Variants in PCM1 observed in about 807,000 individuals in gnomAD.
PCM1 encodes the protein pericentriolar material 1 protein.
A neutral mutation model predicts 241.9 loss-of-function variants in PCM1; 157 were observed. The ratio of observed to expected loss-of-function variants is 0.65; its 90% CI spans 0.57 to 0.74. The LOEUF (loss-of-function observed/expected upper bound fraction) is 0.74. PCM1 is among the 30% of genes least tolerant of loss of function. The pLI, the probability that PCM1 is intolerant of heterozygous loss-of-function variation, is 0.00. For synonymous variants in PCM1, 1,085 were observed against 784.9 expected (o/e 1.38, Z -6.39); for missense variants, 3,478 against 2,360.1 (o/e 1.47, Z -9.81).
rs1294498496 is a variant in PCM1 at position 17,964,848 on chromosome 8, C to G, written c.2855+80C>G. 5 of 1,019,110 alleles carry G rather than the reference C, an allele frequency of 4.9e-6. No homozygotes were observed. In the East Asian group the frequency reaches 9.5e-5, roughly 19 times the overall value. The allele number at this position is 1,019,110 out of a possible 1,614,324, so 63.1% of individuals were successfully genotyped here. A position where few individuals can be genotyped will look rare whatever the true frequency, so the allele number is the denominator to read the frequency against. ...ACTGACAGCAAGCACTTCTGCAGTTCTCCAAGCCAACTGAATGTCCTACAA... is the reference window on the plus strand; with the variant it reads ...ACTGACAGCAAGCACTTCTGCAGTTGTCCAAGCCAACTGAATGTCCTACAA... On this transcript the variant is annotated intron_variant, in intron 18 of 38. Transcript: ENST00000325083.
At chr8:17,931,882 T>G (rs1030889252) in intron 2 of PCM1, among the ~76,000 whole-genome samples, 1 of 152,148 alleles carries the variant, frequency 6.6e-6, no homozygotes, top group Non-Finnish European at 1.5e-5. Context: ...TAAAATATAT[T>G]TCTAGTATAA....
intron 13 of PCM1, among the ~76,000 whole-genome samples, chr8:17,958,568 G>C (rs1035095001): frequency 6.6e-6 from 1 of 151,782 alleles, no homozygotes; most frequent in Admixed American, 6.6e-5. Flanking sequence ...ATTTATAAAG[G>C]TGTTGTGTAT....
chr8:17,955,310 A>G (rs768873107), intron 9 of PCM1, among the ~76,000 whole-genome samples, 160 bp from the exon 10 acceptor site: 5 of 152,162 alleles, frequency 3.3e-5, no homozygotes, highest in Non-Finnish European at 5.9e-5. Context: ...GATGTGTTTA[A>G]TTGTGGAGTA....
chr8:17,988,517 C>T (rs2083364105), intron 26 of PCM1, among the ~76,000 whole-genome samples: 1 of 151,724 alleles, frequency 6.6e-6, no homozygotes, highest in African/African-American at 2.4e-5. Context: ...ACAGAGAAAG[C>T]ACTAACTATA....
chr8:17,947,653 C>A (rs1397353930), intron 7 of PCM1, among the ~76,000 whole-genome samples: 1 of 152,206 alleles, frequency 6.6e-6, no homozygotes. Flanking sequence ...GTACCTCAGA[C>A]TGATAAGGCT....
chr8:17,996,232 C>CT (rs2086684165), intron 29 of PCM1, among the ~76,000 whole-genome samples: 1 of 151,924 alleles, frequency 6.6e-6, no homozygotes. Context: ...TTTTTGAGGG[C>CT]TTTTATCATG....
intron 26 of PCM1, among the ~76,000 whole-genome samples, chr8:17,989,277 T>G (rs1564202594): frequency 2.0e-5 from 3 of 151,826 alleles, no homozygotes; most frequent in Non-Finnish European, 4.4e-5. Flanking sequence ...TAGGGTGTGG[T>G]GGAGATTGAC....
At chr8:17,943,652 C>T (rs1320905395) in intron 6 of PCM1, among the ~76,000 whole-genome samples, 1 of 151,862 alleles carries the variant, frequency 6.6e-6, no homozygotes, top group Non-Finnish European at 1.5e-5. Context: ...TTCATTTTGA[C>T]TTTCTTGATT....
In PCM1 at chr8:17,972,331, A is replaced by G; in HGVS notation, c.3587A>G (p.Asn1196Ser). The G allele has an allele frequency of 1.3e-6, 2 of 1,490,346 alleles. No homozygotes were observed. Among genetic ancestry groups the G allele is most frequent in the Non-Finnish European group, 1.8e-6 (2 of 1,119,556 alleles). 92.3% of individuals were successfully genotyped at this position (1,490,346 alleles called of 1,614,324 possible). Residue 1196 changes from asparagine (N) to serine (S), a missense_variant and splice_region_variant, in exon 23 of 39, where the codon AAT becomes AGT. By Grantham distance (46) the Asn-to-Ser change is conservative. Transcript: ENST00000325083. ...AAAAACTTGTTTTCATTGGTAAGGA[A>G]TAAAAAACTGCCTGAAGAGGAGGTG... ...SSSIGAEKPR[N>S]KKLPEEEVES...
At chr8:17,928,713 C>T (rs190324179) in intron 2 of PCM1, among the ~76,000 whole-genome samples, 21 of 149,574 alleles carry the variant, frequency 1.4e-4, no homozygotes, top group African/African-American at 5.2e-4. Context: ...CTCACTGTAA[C>T]CTCTGCCTCC....
intron 18 of PCM1, among the ~76,000 whole-genome samples, chr8:17,965,772 T>A (rs2074630958): frequency 6.6e-6 from 1 of 152,218 alleles, no homozygotes; most frequent in South Asian, 2.1e-4. Flanking sequence ...ATATGGACAC[T>A]GCTGTGTAAA....
intron 36 of PCM1, among the ~76,000 whole-genome samples, chr8:18,020,805 T>A (rs2093689260): frequency 6.6e-6 from 1 of 152,152 alleles, no homozygotes; most frequent in Admixed American, 6.5e-5. Context: ...AGATAATAGG[T>A]ATGCCTTTGG....
Position 17,939,866 on chromosome 8 carries a change from G to C in PCM1, c.783+5G>C. ...AAATTTCTTAAAAAAATCCTTGTAA[G>C]TATTCGACTTTTAAAATAACATATT... is the stretch of plus-strand genomic sequence containing the variant. On this transcript the variant is annotated splice_donor_5th_base_variant and intron_variant, in intron 6 of 38. Coordinates refer to ENST00000325083, the MANE Select transcript of PCM1 (RefSeq NM_006197.4). 7.0e-7 allele frequency: 1 copy of C among 1,423,162 alleles called. No homozygotes were observed. The allele number at this position is 1,423,162 out of a possible 1,614,324, so 88.2% of individuals were successfully genotyped here.
intron 26 of PCM1, among the ~76,000 whole-genome samples, chr8:17,987,996 G>T (rs1329351600): frequency 6.6e-6 from 1 of 151,696 alleles, no homozygotes; most frequent in African/African-American, 2.4e-5. Context: ...ATATTAAGAT[G>T]TGTAAGAGAT....
At chr8:17,958,943 A>G (rs2070209243) in intron 13 of PCM1, among the ~76,000 whole-genome samples, 1 of 152,220 alleles carries the variant, frequency 6.6e-6, no homozygotes, top group Admixed American at 6.5e-5. Flanking sequence ...GCTGGTCTTG[A>G]ACTCCTGGCC....
intron 6 of PCM1, among the ~76,000 whole-genome samples, chr8:17,942,823 G>A (rs1442626529): frequency 6.6e-6 from 1 of 151,994 alleles, no homozygotes; most frequent in East Asian, 1.9e-4. Context: ...GTGAAACCCT[G>A]TCTTTACTAA....
chr8:17,980,855 C>T, intron 24 of PCM1, 100 bp downstream of exon 24: 1 of 796,196 alleles, frequency 1.3e-6, no homozygotes, highest in Non-Finnish European at 1.9e-6. Context: ...TCACACGTAT[C>T]TATCATGTGG....
intron 36 of PCM1, among the ~76,000 whole-genome samples, chr8:18,021,396 G>C (rs941890278): frequency 1.3e-5 from 2 of 152,176 alleles, no homozygotes; most frequent in Admixed American, 1.3e-4. Context: ...CCATATGTAG[G>C]TCTGCAGATG....
chr8:17,988,557 A>C (rs919667555), intron 26 of PCM1, among the ~76,000 whole-genome samples: 2 of 151,892 alleles, frequency 1.3e-5, no homozygotes, highest in Admixed American at 6.6e-5. Context: ...TAGACTTAAC[A>C]AAAATAGGAA....
Sources: gnomAD v4.1 joint callset for allele counts (sites outside exome capture counted in the v4.1 genomes callset) on GRCh38, gnomAD v4.1.1 for gene constraint, MANE v1.5 for transcripts, NCBI Gene and HGNC (gene_info 2026-07-23, HGNC 2026-07-21) for gene names.